URI1: variants seen among roughly 807,000 people sequenced by gnomAD.
The protein encoded by URI1 is unconventional prefoldin RPB5 interactor 1.
A neutral mutation model predicts 60.2 loss-of-function variants in URI1; 39 were observed. The observed-to-expected ratio is 0.65, with a 90% CI of 0.50 to 0.85. The LOEUF is 0.85. Ranked by LOEUF, URI1 falls within the 40% of genes least tolerant of loss-of-function variation. URI1 has a pLI of 0.00. For missense variants in URI1, 691 were observed against 665.9 expected, an observed-to-expected ratio of 1.04 and a Z score of -0.42; for synonymous variants, 251 against 236.8, an observed-to-expected ratio of 1.06 and a Z score of -0.55.
At chr19:30,004,902 A>G (rs996325243) in intron 4 of URI1, among the ~76,000 whole-genome samples, 6 of 152,054 alleles carry the variant, frequency 3.9e-5, no homozygotes, top group Admixed American at 2.0e-4. Context: ...ACCGTAAAAA[A>G]TGTGTTGTAT....
rs2055078581 is a variant in URI1, at chr19:29,944,421, A to G, written c.117+1757A>G. Among the ~76,000 whole-genome samples the G allele has an allele frequency of 4.0e-5, 6 of 151,624 alleles. No homozygotes were observed. In the South Asian group the frequency reaches 1.2e-3, roughly 31 times the overall value. On this transcript the variant is annotated intron_variant, in intron 1 of 10. Transcript: ENST00000392271. ...GGGTTAATTTCACCTCCTTCAGTGT[A>G]TAATACGTGCATAATGCTGACTTGA...
upstream of URI1, among the ~76,000 whole-genome samples, chr19:29,941,584 GCA>G (rs2055024126): frequency 6.7e-6 from 1 of 150,142 alleles, no homozygotes; most frequent in East Asian, 1.9e-4. Flanking sequence ...TGGCACTACT[GCA>G]CTCCAGCCCG....
Position 30,014,876 on chromosome 19 carries a change from T to G in URI1, c.1426-11T>G, listed in dbSNP as rs2056065692. 6.2e-7 allele frequency: 1 copy of G among 1,607,298 alleles called. No individual in the cohort carries two copies. The highest frequency in any genetic ancestry group is 1.3e-5 in the African/African-American group (1 of 74,526). On this transcript the variant is annotated splice_polypyrimidine_tract_variant and intron_variant, in intron 10 of 10. Coordinates refer to ENST00000392271, the MANE Select transcript of URI1 (RefSeq NM_003796.3). ...GCATTTTATTACCATAACCTGACTT[T>G]TGTTTTCTAGGCTTTTTCTGGAACT...
rs114136121 is a variant in URI1, at chr19:30,014,520, T to G, written c.1426-367T>G. Among the ~76,000 whole-genome samples, 734 of 152,344 alleles carry G rather than the reference T, an allele frequency of 4.8e-3. 8 individuals carry two copies. The highest frequency in any genetic ancestry group is 0.017 in the African/African-American group (696 of 41,588). On this transcript the variant is annotated intron_variant, in intron 10 of 10. Transcript: ENST00000392271. ...TCAACTGATGTACAAAAGTCAGAGT[T>G]TGACACCCTAATAGCATTTTTATTT...
intron 1 of URI1, 48 bp downstream of exon 1, chr19:29,942,712 C>G: frequency 7.4e-7 from 1 of 1,348,678 alleles, no homozygotes; most frequent in Non-Finnish European, 9.5e-7. Flanking sequence ...CCGGGCTGCC[C>G]CTGCCTGTGC....
intron 4 of URI1, 123 bp downstream of exon 4, chr19:29,986,540 A>T (rs1321519000): frequency 3.3e-6 from 4 of 1,210,616 alleles, no homozygotes; most frequent in African/African-American, 1.6e-5. Flanking sequence ...GCTGTTTGTG[A>T]TTCTGTTGAA....
intron 9 of URI1, among the ~76,000 whole-genome samples, chr19:30,011,666 A>G (rs922194576): frequency 4.0e-5 from 6 of 149,906 alleles, no homozygotes; most frequent in Admixed American, 6.7e-5. Context: ...TGAGAAAACT[A>G]TCACTTGAAA....
intron 4 of URI1, among the ~76,000 whole-genome samples, chr19:30,000,149 T>G (rs1471924096): frequency 6.6e-6 from 1 of 151,984 alleles, no homozygotes; most frequent in African/African-American, 2.4e-5. Flanking sequence ...AATTCCATTT[T>G]GTTCTTGTAC....
At chr19:29,967,615 G>A (rs2055406124) in intron 1 of URI1, among the ~76,000 whole-genome samples, 1 of 152,156 alleles carries the variant, frequency 6.6e-6, no homozygotes, top group Non-Finnish European at 1.5e-5. Context: ...TGGGACTGAG[G>A]AACTAACTAG....
intron 1 of URI1, among the ~76,000 whole-genome samples, chr19:29,968,565 C>CTTTT (rs35475321): frequency 6.2e-4 from 46 of 74,320 alleles, no homozygotes; most frequent in East Asian, 1.3e-3. Flanking sequence ...CTAATTTTTT[C>CTTTT]TTTTTTTTTT....
chr19:29,939,183 G>T (rs1385891053), upstream of URI1, among the ~76,000 whole-genome samples: 2 of 151,264 alleles, frequency 1.3e-5, no homozygotes, highest in Non-Finnish European at 2.9e-5. Flanking sequence ...ATCCATGTTG[G>T]TCAGGCTGGT....
At chr19:29,961,513 T>C (rs1329501086) in intron 1 of URI1, among the ~76,000 whole-genome samples, 2 of 152,146 alleles carry the variant, frequency 1.3e-5, no homozygotes, top group African/African-American at 2.4e-5. Context: ...CTGAATAATA[T>C]TCCATTGTAT....
chr19:29,949,799 A>T (rs1241544326), intron 1 of URI1, among the ~76,000 whole-genome samples: 1 of 152,086 alleles, frequency 6.6e-6, no homozygotes. Context: ...AATCCCAGGC[A>T]CTCTGCAGGC....
At chr19:29,940,738 C>G (rs1242416620), upstream of URI1, among the ~76,000 whole-genome samples, 1 of 152,188 alleles carries the variant, frequency 6.6e-6, no homozygotes, top group Non-Finnish European at 1.5e-5. Flanking sequence ...TGCATCACCC[C>G]CTTTGCCTGG....
upstream of URI1, chr19:29,937,992 T>C (rs1372006947): frequency 6.6e-6 from 1 of 152,116 alleles, no homozygotes; most frequent in African/African-American, 2.4e-5. Context: ...CCTGGCTGTT[T>C]ATTCATGTCT....
At chr19:29,926,182 T>C (rs965148113) in intron 1 of URI1, among the ~76,000 whole-genome samples, 16 of 151,920 alleles carry the variant, frequency 1.1e-4, no homozygotes, top group African/African-American at 3.6e-4. Flanking sequence ...TGATTTCTGA[T>C]ATTTTGGTGC....
At chr19:29,998,281 C>T (rs924177808) in intron 4 of URI1, among the ~76,000 whole-genome samples, 3 of 152,034 alleles carry the variant, frequency 2.0e-5, no homozygotes, top group Non-Finnish European at 4.4e-5. Flanking sequence ...TTCCATGTTT[C>T]CCTTAGAAGG....
intron 4 of URI1, among the ~76,000 whole-genome samples, chr19:29,992,593 A>C (rs1031750611): frequency 2.0e-5 from 3 of 152,188 alleles, no homozygotes; most frequent in Non-Finnish European, 4.4e-5. Flanking sequence ...TGAAATAGGA[A>C]CTTCTTAAAG....
intron 4 of URI1, among the ~76,000 whole-genome samples, chr19:29,991,551 C>G (rs567508854): frequency 6.6e-6 from 1 of 152,158 alleles, no homozygotes; most frequent in African/African-American, 2.4e-5. Flanking sequence ...GTAAATAGCT[C>G]CTATTTTTTT....
Sources: gnomAD v4.1 joint callset for allele counts (sites outside exome capture counted in the v4.1 genomes callset) on GRCh38, gnomAD v4.1.1 for gene constraint, MANE v1.5 for transcripts, NCBI Gene and HGNC (gene_info 2026-07-23, HGNC 2026-07-21) for gene names.